The following P4HA1 variants were observed in gnomAD, a reference collection of about 807,000 sequenced individuals.
P4HA1 encodes the protein prolyl 4-hydroxylase subunit alpha 1, also known as prolyl 4-hydroxylase subunit alpha-1.
A neutral mutation model predicts 72.8 loss-of-function variants in P4HA1; 24 were observed. The ratio of observed to expected loss-of-function variants is 0.33; its 90% confidence interval spans 0.24 to 0.46. The LOEUF is 0.46. P4HA1 is among the 20% of genes least tolerant of loss of function. The pLI is 1.00. For synonymous variants in P4HA1, 201 were observed against 218.8 expected, an observed-to-expected ratio of 0.92 and a Z score of 0.72; for missense variants, 446 against 640.6, an observed-to-expected ratio of 0.70 and a Z score of 3.28.
At chr10:73,035,042 A>G (rs1840537399) in intron 9 of P4HA1, among the ~76,000 whole-genome samples, 1 of 152,172 alleles carries the variant, frequency 6.6e-6, no homozygotes, top group Non-Finnish European at 1.5e-5. Context: ...GCTATAGTGA[A>G]TAAATGCTGT....
intron 10 of P4HA1, among the ~76,000 whole-genome samples, chr10:73,025,037 C>T (rs1229628920): frequency 6.6e-6 from 1 of 152,144 alleles, no homozygotes; most frequent in Middle Eastern, 3.2e-3. Flanking sequence ...GATTCACAGC[C>T]GAATTCTATC....
At chr10:73,087,230 T>C (rs1841940832) in intron 1 of P4HA1, among the ~76,000 whole-genome samples, 1 of 151,960 alleles carries the variant, frequency 6.6e-6, no homozygotes, top group Non-Finnish European at 1.5e-5. Context: ...TGGGTTTAAT[T>C]TGCAATTCCA....
chr10:73,016,922 G>A, intron 10 of P4HA1, 23 bp from the exon 11 acceptor site: 1 of 1,590,064 alleles, frequency 6.3e-7, no homozygotes, highest in Non-Finnish European at 8.6e-7. Context: ...CACAAAGCAT[G>A]AAAGAAAAGA....
At chr10:73,092,036 C>G (rs1475118957) in intron 1 of P4HA1, among the ~76,000 whole-genome samples, 2 of 152,170 alleles carry the variant, frequency 1.3e-5, no homozygotes, top group Non-Finnish European at 2.9e-5. Context: ...TCCACCCAGT[C>G]TACCTCTTTC....
At chr10:73,054,655 A>C (rs952980370) in intron 5 of P4HA1, among the ~76,000 whole-genome samples, 1 of 152,256 alleles carries the variant, frequency 6.6e-6, no homozygotes, top group African/African-American at 2.4e-5. Context: ...CTCTACGCTT[A>C]ACGTTTTGAG....
At chr10:73,047,397 G>GA (rs932891913) in intron 7 of P4HA1, among the ~76,000 whole-genome samples, 3 of 149,758 alleles carry the variant, frequency 2.0e-5, no homozygotes, top group East Asian at 1.9e-4. Flanking sequence ...GTTTAAATAT[G>GA]AAAAAAAAGC....
In P4HA1 at chr10:73,074,924, GA is replaced by G; in HGVS notation, c.-32-10del. 1 of 853,876 alleles carries G rather than the reference GA, an allele frequency of 1.2e-6. No homozygotes were observed. Among genetic ancestry groups the G allele is most frequent in the Non-Finnish European group, 1.9e-6 (1 of 516,138 alleles). The allele number at this position is 853,876 out of a possible 1,614,324, so 52.9% of individuals were successfully genotyped here. On this transcript the variant is annotated splice_polypyrimidine_tract_variant and intron_variant, in intron 1 of 14. Coordinates refer to ENST00000394890, the MANE Select transcript of P4HA1 (RefSeq NM_001017962.3). ...TTTACAGGATCACACACCTACAAAA[GA>G]AAGAGAGAAATGCAGCCATTACTTA...
chr10:73,046,990 T>C lies in P4HA1; in HGVS notation c.1012A>G (p.Ile338Val), dbSNP rs766405588. 6.8e-6 allele frequency: 11 copies of C among 1,613,150 alleles called. No homozygotes were observed. The East Asian group carries it at 8.9e-5, about 13-fold the overall frequency. Reference protein sequence around the residue: ...QEDEWDKPRIIRFHDIISDAE... With the variant: ...QEDEWDKPRIVRFHDIISDAE... ...TCAGAAATAATATCATGGAAGCGAATAATACGAGGCTTGTCCCATTCATCC... is the reference window on the plus strand; with the variant it reads ...TCAGAAATAATATCATGGAAGCGAACAATACGAGGCTTGTCCCATTCATCC... The change falls in exon 8 of 15, where the codon ATT becomes GTT. Residue 338 changes from isoleucine to valine, a missense_variant. Coordinates refer to ENST00000394890, the MANE Select transcript of P4HA1 (RefSeq NM_001017962.3).
chr10:73,049,852 T>C (rs1406386522), intron 7 of P4HA1, among the ~76,000 whole-genome samples: 2 of 152,152 alleles, frequency 1.3e-5, no homozygotes, highest in Non-Finnish European at 2.9e-5. Context: ...CACAGAGTAG[T>C]GTTATTGTCT....
At chr10:73,080,385 A>C (rs1014982192) in intron 1 of P4HA1, among the ~76,000 whole-genome samples, 20 of 152,364 alleles carry the variant, frequency 1.3e-4, no homozygotes, top group Admixed American at 1.3e-3. Context: ...CAATGCTGAT[A>C]GTGCTGGCTG....
chr10:73,049,614 A>C (rs1006247101), intron 7 of P4HA1, among the ~76,000 whole-genome samples: 1 of 152,240 alleles, frequency 6.6e-6, no homozygotes, highest in Non-Finnish European at 1.5e-5. Context: ...AGTATCTATT[A>C]ACATCTATAG....
Position 73,073,971 on chromosome 10 carries a change from T to A in P4HA1, c.77-144A>T, listed in dbSNP as rs41307512. On this transcript the variant is annotated intron_variant, in intron 2 of 14. Transcript: ENST00000394890. ...CTGGAGACTATCTTTTCTTCCTTTT[T>A]ACCAGATAAACCAAAATAAAGCCAA... The A allele has an allele frequency of 0.12, 76,075 of 637,400 alleles. 7,534 individuals carry two copies. Among genetic ancestry groups the A allele is most frequent in the African/African-American group, 0.34 (18,243 of 54,108 alleles). The allele number at this position is 637,400 out of a possible 1,614,324, so 39.5% of individuals were successfully genotyped here.
In P4HA1 at chr10:73,059,423, T is replaced by TAAAAAAAAAA. The variant is rs1564631461; in HGVS notation, c.464-5834_464-5833insTTTTTTTTTT. ...CGGGCAAAATAATGAGACAATATAT[T>TAAAAAAAAAA]TAAAAAAAAAAAAAAAAAAAAAAAA... On this transcript the variant is annotated intron_variant, in intron 5 of 14. Transcript: ENST00000394890. Among the ~76,000 whole-genome samples, 5 of 47,580 alleles carry TAAAAAAAAAA rather than the reference T, an allele frequency of 1.1e-4. 2 individuals are homozygous for TAAAAAAAAAA. The highest frequency in any genetic ancestry group is 4.5e-4 in the African/African-American group (5 of 11,076). The allele number at this position is 47,580 out of a possible 152,430, so 31.2% of individuals were successfully genotyped here.
intron 10 of P4HA1, among the ~76,000 whole-genome samples, chr10:73,017,453 C>G (rs889900091): frequency 2.6e-5 from 4 of 152,032 alleles, no homozygotes; most frequent in Non-Finnish European, 4.4e-5. Context: ...GTAGCTGGGA[C>G]TACAGGTGCA....
rs139304069 is a variant in P4HA1, at chr10:73,075,383, A to G, written c.-32-468T>C. On this transcript the variant is annotated intron_variant, in intron 1 of 14. Transcript: ENST00000394890. Reference sequence around the variant, plus strand: ...CTCAGCCTCCCAAAGTGCTGGGATTATAAGTGTGAGCCAACGCACCCATAT... The same window carrying G: ...CTCAGCCTCCCAAAGTGCTGGGATTGTAAGTGTGAGCCAACGCACCCATAT... 7.4e-3 allele frequency among the ~76,000 whole-genome samples: 1,127 copies of G among 152,314 alleles called. 18 individuals are homozygous for G. The highest frequency in any genetic ancestry group is 0.024 in the African/African-American group (1,012 of 41,584).
intron 5 of P4HA1, among the ~76,000 whole-genome samples, chr10:73,058,904 A>G (rs1417875339): frequency 2.7e-5 from 4 of 150,690 alleles, no homozygotes; most frequent in African/African-American, 9.8e-5. Flanking sequence ...CACCCTCCTG[A>G]GTAGCTGGGA....
At chr10:73,052,487 GT>G (rs1473649719) in intron 6 of P4HA1, among the ~76,000 whole-genome samples, 4 of 152,062 alleles carry the variant, frequency 2.6e-5, no homozygotes, top group Non-Finnish European at 4.4e-5. Context: ...ATCTTTCTCT[GT>G]TTTAATAAAT....
At chr10:73,071,360 A>T (rs1841558793) in intron 4 of P4HA1, 1 of 152,154 alleles carries the variant, frequency 6.6e-6, no homozygotes, top group African/African-American at 2.4e-5. Context: ...AAACACTGGT[A>T]AGTACCCTTG....
chr10:73,030,740 T>C (rs1453389589), intron 9 of P4HA1, among the ~76,000 whole-genome samples: 1 of 152,178 alleles, frequency 6.6e-6, no homozygotes, highest in African/African-American at 2.4e-5. Flanking sequence ...AGGAACTGAC[T>C]ATGGTGGAAG....
Sources: allele counts gnomAD v4.1 joint callset (sites outside exome capture counted in the v4.1 genomes callset), GRCh38; gene constraint gnomAD v4.1.1; transcripts MANE v1.5; gene names NCBI Gene and HGNC (gene_info 2026-07-23, HGNC 2026-07-21).